Variants in NCOR1 observed in about 807,000 individuals in gnomAD.
NCOR1 encodes the protein protein phosphatase 1, regulatory subunit 109.
A neutral mutation model predicts 288.1 loss-of-function variants in NCOR1; 63 were observed. The observed-to-expected ratio is 0.22, with a 90% CI of 0.18 to 0.27. The LOEUF is 0.27. NCOR1 is among the 10% of genes least tolerant of loss of function. The probability of loss-of-function intolerance (pLI) is 1.00; values close to 1 mark genes in which losing one functional copy is unlikely to be tolerated. For synonymous variants in NCOR1, 1,007 were observed against 1,065.9 expected (o/e 0.94, Z 1.08); for missense variants, 2,397 against 3,019.2 (o/e 0.79, Z 4.83).
At chr17:16,058,746 G>A (rs1333687692) in intron 37 of NCOR1, 147 bp from the exon 38 acceptor site, 2 of 821,780 alleles carry the variant, frequency 2.4e-6, no homozygotes, top group Non-Finnish European at 3.6e-6. Context: ...AAGTTTTATG[G>A]GCTTTAAGAC....
At chr17:16,206,567 G>T (rs1328437956) in intron 1 of NCOR1, among the ~76,000 whole-genome samples, 2 of 152,070 alleles carry the variant, frequency 1.3e-5, no homozygotes, top group Non-Finnish European at 2.9e-5. Flanking sequence ...TGTATTTTTA[G>T]TAGAGATAGG....
intron 44 of NCOR1, 168 bp downstream of exon 44, chr17:16,039,265 T>C (rs2057093265): frequency 1.6e-6 from 1 of 635,538 alleles, no homozygotes; most frequent in Non-Finnish European, 2.7e-6. Context: ...CATATTATAA[T>C]GTCTGGGTAG....
At chr17:16,145,936 T>C (rs1319422119) in intron 10 of NCOR1, among the ~76,000 whole-genome samples, 1 of 151,214 alleles carries the variant, frequency 6.6e-6, no homozygotes, top group African/African-American at 2.4e-5. Flanking sequence ...GGAGACTCCA[T>C]TTTGTTCTGT....
At chr17:16,099,748 C>T (rs1269549721) in intron 20 of NCOR1, among the ~76,000 whole-genome samples, 1 of 152,014 alleles carries the variant, frequency 6.6e-6, no homozygotes, top group African/African-American at 2.4e-5. Context: ...AGACTGACAC[C>T]ATTAAAATAA....
At chr17:16,073,244 T>G (rs9891379) in intron 28 of NCOR1, among the ~76,000 whole-genome samples, 185 bp downstream of exon 28, 70,260 of 151,960 alleles carry the variant, frequency 0.46, 17,134 homozygotes, top group Middle Eastern at 0.59. Context: ...TGCCACTTTA[T>G]ATACAGATAT....
chr17:16,206,753 GAAAT>G (rs2091558770), intron 1 of NCOR1, among the ~76,000 whole-genome samples: 1 of 151,998 alleles, frequency 6.6e-6, no homozygotes, highest in African/African-American at 2.4e-5. Context: ...AGAGGTAACT[GAAAT>G]AAATAGACAA....
At chr17:16,208,773 C>T (rs183215736) in intron 1 of NCOR1, among the ~76,000 whole-genome samples, 91 of 152,128 alleles carry the variant, frequency 6.0e-4, no homozygotes, top group South Asian at 5.2e-3. Flanking sequence ...GACTCGGAGG[C>T]TGCATTGAAC....
intron 1 of NCOR1, 117 bp downstream of exon 1, chr17:16,215,245 G>A (rs1225540075): frequency 5.2e-6 from 2 of 384,456 alleles, no homozygotes; most frequent in Non-Finnish European, 4.6e-6. Context: ...CCAGGCCTGC[G>A]ACACCCCCCG....
chr17:16,037,363 A>G (rs2056621009), intron 44 of NCOR1, among the ~76,000 whole-genome samples: 1 of 152,244 alleles, frequency 6.6e-6, no homozygotes, highest in African/African-American at 2.4e-5. Context: ...TATTAGAAAA[A>G]TAATGCTGAT....
intron 24 of NCOR1, 26 bp downstream of exon 24, chr17:16,080,581 C>T (rs2152816563): frequency 6.2e-7 from 1 of 1,614,042 alleles, no homozygotes; most frequent in Non-Finnish European, 8.5e-7. Flanking sequence ...AACGTAGATG[C>T]ATTATGACTG....
chr17:16,127,202 T>TATGTATATATCTGTATGTATATATAC lies in NCOR1; in HGVS notation c.1510-1022_1510-997dup, dbSNP rs2074280006. 2.7e-5 allele frequency among the ~76,000 whole-genome samples: 4 copies of TATGTATATATCTGTATGTATATATAC among 147,348 alleles called. 1 individual carries two copies. In the Admixed American group the frequency reaches 2.8e-4, roughly 10 times the overall value. ...ATATATCTGTATGTATATATACATG[T>TATGTATATATCTGTATGTATATATAC]ATGTATATATCTGTATGTATATATA... is the stretch of plus-strand genomic sequence containing the variant. On this transcript the variant is annotated intron_variant, in intron 14 of 45. Transcript: ENST00000268712.
At chr17:16,209,637 TAA>T (rs34131313) in intron 1 of NCOR1, among the ~76,000 whole-genome samples, 5 of 142,392 alleles carry the variant, frequency 3.5e-5, no homozygotes, top group Non-Finnish European at 4.6e-5. Context: ...CTTTTGGATG[TAA>T]AAAAAAAAAA....
intron 2 of NCOR1, among the ~76,000 whole-genome samples, chr17:16,187,293 A>G (rs1349318724): frequency 6.6e-6 from 1 of 151,704 alleles, no homozygotes; most frequent in East Asian, 1.9e-4. Context: ...TAAATAAGCT[A>G]GGAACTCCAG....
At position 16,104,234 on chromosome 17, in the gene NCOR1, T is replaced by C. The variant is rs142068963; in HGVS notation, c.2183-2477A>G. Among the ~76,000 whole-genome samples, 61 of 151,440 alleles carry C rather than the reference T, an allele frequency of 4.0e-4. 1 individual carries two copies. The East Asian group carries it at 0.012, about 29-fold the overall frequency. ...GTAGACTCAAATACTGGCTGGATTA[T>C]AAAGTACATGAATGGTTGTGAAAAC... On this transcript the variant is annotated intron_variant, in intron 19 of 45. Transcript: ENST00000268712.
chr17:16,173,106 G>A (rs556743989), intron 3 of NCOR1, among the ~76,000 whole-genome samples: 10 of 152,102 alleles, frequency 6.6e-5, no homozygotes, highest in African/African-American at 2.4e-4. Flanking sequence ...AATTTTTGTA[G>A]AGATGAGGTC....
intron 5 of NCOR1, among the ~76,000 whole-genome samples, chr17:16,160,879 A>G (rs2080708880): frequency 6.6e-6 from 1 of 152,134 alleles, no homozygotes; most frequent in Non-Finnish European, 1.5e-5. Context: ...AAATCTACCA[A>G]GAGGGAGTTT....
intron 1 of NCOR1, among the ~76,000 whole-genome samples, chr17:16,215,144 G>A (rs1031873537): frequency 6.6e-6 from 1 of 152,176 alleles, no homozygotes; most frequent in African/African-American, 2.4e-5. Flanking sequence ...ATAAGCCTCC[G>A]CTAGCCCAGC....
chr17:16,121,544 A>G (rs1321911350), intron 15 of NCOR1, among the ~76,000 whole-genome samples: 3 of 152,182 alleles, frequency 2.0e-5, no homozygotes, highest in Admixed American at 1.3e-4. Context: ...GAACTACTCC[A>G]TGAGAAAGTA....
intron 21 of NCOR1, among the ~76,000 whole-genome samples, chr17:16,097,671 A>G (rs991019764): frequency 9.9e-5 from 15 of 152,100 alleles, no homozygotes; most frequent in African/African-American, 2.4e-5. Context: ...GCTGTTTCTG[A>G]GTTATATCCC....
Sources: allele counts gnomAD v4.1 joint callset (sites outside exome capture counted in the v4.1 genomes callset), GRCh38; gene constraint gnomAD v4.1.1; transcripts MANE v1.5; gene names NCBI Gene and HGNC (gene_info 2026-07-23, HGNC 2026-07-21).